The following HMGCLL1 variants were observed in gnomAD, a reference collection of about 807,000 sequenced individuals.
The protein encoded by HMGCLL1 is 3-hydroxy-3-methylglutaryl-CoA lyase like 1.
Under a neutral mutation model 39.1 loss-of-function variants are expected in HMGCLL1, and 36 were observed. The ratio of observed to expected loss-of-function variants is 0.92; its 90% CI spans 0.71 to 1.22. HMGCLL1 has a LOEUF of 1.22. HMGCLL1 is among the 50% of genes most tolerant of loss of function. The pLI is 0.00. For missense variants in HMGCLL1, 451 were observed against 416.5 expected (o/e 1.08, Z -0.72); for synonymous variants, 149 against 144.0 (o/e 1.03, Z -0.25).
chr6:55,574,759 A>T (rs1771681678), intron 1 of HMGCLL1, among the ~76,000 whole-genome samples: 1 of 152,042 alleles, frequency 6.6e-6, no homozygotes, highest in Admixed American at 6.5e-5. Context: ...AAAAGTATAA[A>T]GATACATTAT....
rs1319534394 is a variant in HMGCLL1 at position 55,532,803 on chromosome 6, ACATAATAATAATAATAATAAT to A, written c.297+8905_297+8925del. ...GCAACAAAGCAAGACTCTGTCTCAA[ACATAATAATAATAATAATAAT>A]AATAATAATAATAATAATAATAATA... On this transcript the variant is annotated intron_variant, in intron 3 of 8. Coordinates refer to ENST00000274901, the MANE Select transcript of HMGCLL1 (RefSeq NM_001042406.2). Among the ~76,000 whole-genome samples the A allele has an allele frequency of 2.2e-3, 307 of 138,430 alleles. 4 individuals carry two copies. Among genetic ancestry groups the A allele is most frequent in the African/African-American group, 6.7e-3 (239 of 35,530 alleles). The allele number at this position is 138,430 out of a possible 152,430, so 90.8% of individuals were successfully genotyped here.
At chr6:55,650,090 CATATATATATATATATATATATATAT>C in the HMGCLL1 span, among the ~76,000 whole-genome samples, 19 of 52,286 alleles carry the variant, frequency 3.6e-4, 1 homozygote, top group East Asian at 1.8e-3. Flanking sequence ...CACACATATA[CATATATATATATATATATATATATAT>C]ATATATATAT....
chr6:55,597,933 A>G, the HMGCLL1 span, among the ~76,000 whole-genome samples: 867 of 152,272 alleles, frequency 5.7e-3, 7 homozygotes, highest in African/African-American at 0.02. Context: ...ATATATAAAA[A>G]TAAATATTTG....
chr6:55,456,380 A>C (rs1159036273), intron 7 of HMGCLL1, among the ~76,000 whole-genome samples: 2 of 152,250 alleles, frequency 1.3e-5, no homozygotes, highest in African/African-American at 4.8e-5. Context: ...AAAAATCTTT[A>C]GATATGAGTC....
At chr6:55,465,431 T>C (rs182407373) in intron 7 of HMGCLL1, among the ~76,000 whole-genome samples, 10 of 152,182 alleles carry the variant, frequency 6.6e-5, no homozygotes, top group African/African-American at 2.4e-4. Context: ...ATAGATAATT[T>C]TTGTATTCCT....
chr6:55,516,485 A>C, intron 4 of HMGCLL1, 23 bp downstream of exon 4: 17 of 1,471,032 alleles, frequency 1.2e-5, no homozygotes, highest in Non-Finnish European at 1.5e-5. Context: ...TATCAATTTT[A>C]GAGATATTAG....
intron 7 of HMGCLL1, among the ~76,000 whole-genome samples, chr6:55,477,235 T>TATAATA (rs1561904340): frequency 7.1e-5 from 1 of 14,116 alleles, no homozygotes; most frequent in Non-Finnish European, 9.9e-5. Context: ...ATAATATATA[T>TATAATA]TATATTTATA....
At chr6:55,477,291 A>AT (rs1765430705) in intron 7 of HMGCLL1, among the ~76,000 whole-genome samples, 5 of 10,088 alleles carry the variant, frequency 5.0e-4, no homozygotes, top group East Asian at 6.4e-3. Context: ...TATTATATAT[A>AT]AAATAATATA....
chr6:55,677,627 T>C, the HMGCLL1 span, among the ~76,000 whole-genome samples: 1 of 152,220 alleles, frequency 6.6e-6, no homozygotes, highest in East Asian at 1.9e-4. Flanking sequence ...CTTTAATTTG[T>C]CAGAGAATAT....
At chr6:55,629,148 A>G in the HMGCLL1 span, among the ~76,000 whole-genome samples, 1 of 152,158 alleles carries the variant, frequency 6.6e-6, no homozygotes, top group African/African-American at 2.4e-5. Context: ...CTTCCTAGCA[A>G]CTTGTTGAAT....
the HMGCLL1 span, among the ~76,000 whole-genome samples, chr6:55,597,673 G>A: frequency 1.3e-5 from 2 of 152,022 alleles, no homozygotes; most frequent in Non-Finnish European, 2.9e-5. Context: ...AACAACAATG[G>A]TAAAATAAAG....
At chr6:55,641,638 G>A in the HMGCLL1 span, among the ~76,000 whole-genome samples, 1 of 151,760 alleles carries the variant, frequency 6.6e-6, no homozygotes, top group Non-Finnish European at 1.5e-5. Context: ...AGAGAGTAGG[G>A]AAATGAATAA....
intron 1 of HMGCLL1, among the ~76,000 whole-genome samples, chr6:55,552,146 A>T (rs1429515325): frequency 6.6e-6 from 1 of 152,028 alleles, no homozygotes; most frequent in Non-Finnish European, 1.5e-5. Flanking sequence ...CACACAAAAA[A>T]GATAAATGAT....
chr6:55,637,481 C>T, the HMGCLL1 span, among the ~76,000 whole-genome samples: 9 of 151,960 alleles, frequency 5.9e-5, no homozygotes, highest in Admixed American at 2.0e-4. Flanking sequence ...TGTTTCAGTT[C>T]GATTATGTGG....
chr6:55,467,563 A>G (rs1479931288), intron 7 of HMGCLL1, among the ~76,000 whole-genome samples: 1 of 152,078 alleles, frequency 6.6e-6, no homozygotes, highest in African/African-American at 2.4e-5. Flanking sequence ...CTCCCAGCAT[A>G]TACCCTCATT....
chr6:55,538,981 A>C (rs773785665), intron 3 of HMGCLL1, among the ~76,000 whole-genome samples: 11 of 152,188 alleles, frequency 7.2e-5, no homozygotes, highest in Non-Finnish European at 1.3e-4. Context: ...GTTACTTCAA[A>C]TGTAATACAA....
At chr6:55,600,945 A>T in the HMGCLL1 span, among the ~76,000 whole-genome samples, 1 of 152,196 alleles carries the variant, frequency 6.6e-6, no homozygotes, top group Admixed American at 6.6e-5. Flanking sequence ...TATTGAGCCA[A>T]ATCATGAGAA....
chr6:55,456,612 G>A (rs922188174), intron 7 of HMGCLL1, among the ~76,000 whole-genome samples: 7 of 152,140 alleles, frequency 4.6e-5, no homozygotes, highest in African/African-American at 1.7e-4. Context: ...AGTAAGCTCT[G>A]GTGTTAGGAA....
chr6:55,563,013 C>G lies in HMGCLL1; in HGVS notation c.108+15935G>C, dbSNP rs561840241. 5.9e-5 allele frequency among the ~76,000 whole-genome samples: 9 copies of G among 151,962 alleles called. No homozygotes were observed. In the East Asian group the frequency reaches 1.5e-3, roughly 26 times the overall value. On this transcript the variant is annotated intron_variant, in intron 1 of 8. Transcript: ENST00000274901. ...AAATATATATATTCATATACATAAA[C>G]CTACATACATAAAGACACATTCATA...
Sources: gnomAD v4.1 joint callset for allele counts (sites outside exome capture counted in the v4.1 genomes callset) on GRCh38, gnomAD v4.1.1 for gene constraint, MANE v1.5 for transcripts, NCBI Gene and HGNC (gene_info 2026-07-23, HGNC 2026-07-21) for gene names.